AFG2A: variants seen among roughly 807,000 people sequenced by gnomAD.
The protein encoded by AFG2A is ATPase family gene 2 protein homolog A.
chr4:123,033,825 C>T, the AFG2A span, among the ~76,000 whole-genome samples: 1 of 152,134 alleles, frequency 6.6e-6, no homozygotes, highest in Admixed American at 6.5e-5. Flanking sequence ...AAAAGTATAA[C>T]ATTTGTACAT....
At chr4:123,007,568 ATGTGTG>A in the AFG2A span, among the ~76,000 whole-genome samples, 16 of 91,760 alleles carry the variant, frequency 1.7e-4, no homozygotes, top group African/African-American at 6.9e-4. Context: ...GTGTGTGTAT[ATGTGTG>A]TGTGTGTGTG....
chr4:123,180,272 T>C, the AFG2A span, among the ~76,000 whole-genome samples: 1 of 152,140 alleles, frequency 6.6e-6, no homozygotes, highest in African/African-American at 2.4e-5. Flanking sequence ...TATTTAGCTA[T>C]TTTTCAGGCA....
the AFG2A span, among the ~76,000 whole-genome samples, chr4:123,213,853 C>G: frequency 6.6e-6 from 1 of 152,146 alleles, no homozygotes; most frequent in Non-Finnish European, 1.5e-5. Flanking sequence ...ATTTTTATGA[C>G]TAGACTATTT....
the AFG2A span, among the ~76,000 whole-genome samples, chr4:123,288,904 A>C: frequency 6.6e-6 from 1 of 152,146 alleles, no homozygotes; most frequent in Non-Finnish European, 1.5e-5. Context: ...TTCATTTGCT[A>C]ATCAGGCCTC....
chr4:123,208,629 T>C, the AFG2A span, among the ~76,000 whole-genome samples: 1 of 152,174 alleles, frequency 6.6e-6, no homozygotes, highest in Non-Finnish European at 1.5e-5. Context: ...TGTCAAACTT[T>C]CCAAAGCTAA....
chr4:123,108,944 A>G, the AFG2A span, among the ~76,000 whole-genome samples: 2 of 152,094 alleles, frequency 1.3e-5, no homozygotes, highest in Non-Finnish European at 2.9e-5. Flanking sequence ...TATAAGGTTT[A>G]TTCTTAAATT....
chr4:123,309,443 G>T, the AFG2A span, among the ~76,000 whole-genome samples: 6 of 152,102 alleles, frequency 3.9e-5, no homozygotes, highest in South Asian at 4.2e-4. Context: ...AGTACAGAAC[G>T]CTCACAACCT....
the AFG2A span, among the ~76,000 whole-genome samples, chr4:123,177,677 G>A: frequency 2.4e-3 from 372 of 152,240 alleles, 2 homozygotes; most frequent in African/African-American, 8.7e-3. Context: ...CTTTAATTTA[G>A]GAAAGAAGAA....
the AFG2A span, among the ~76,000 whole-genome samples, chr4:122,962,238 A>C: frequency 2.0e-5 from 3 of 152,224 alleles, no homozygotes; most frequent in Admixed American, 6.5e-5. Context: ...GTACCAGCCC[A>C]TGGGCCATTG....
the AFG2A span, among the ~76,000 whole-genome samples, chr4:123,194,241 T>G: frequency 6.6e-6 from 1 of 152,200 alleles, no homozygotes; most frequent in East Asian, 1.9e-4. Context: ...TCTTTTGGTT[T>G]CCCTGGGCCA....
the AFG2A span, among the ~76,000 whole-genome samples, chr4:122,974,278 C>T: frequency 6.6e-6 from 1 of 151,926 alleles, no homozygotes; most frequent in Non-Finnish European, 1.5e-5. Context: ...AAAAAAGTGG[C>T]AGGAAAATTA....
At chr4:123,099,872 C>T in the AFG2A span, among the ~76,000 whole-genome samples, 165 of 151,536 alleles carry the variant, frequency 1.1e-3, no homozygotes, top group Middle Eastern at 0.01. Context: ...AGTTGTATGC[C>T]CTTTTTAGTA....
the AFG2A span, among the ~76,000 whole-genome samples, chr4:122,986,740 G>C: frequency 6.6e-6 from 1 of 152,048 alleles, no homozygotes; most frequent in Non-Finnish European, 1.5e-5. Context: ...CCAATAACTT[G>C]TGGAAAAATT....
chr4:123,244,518 C>A, the AFG2A span, among the ~76,000 whole-genome samples: 1 of 152,172 alleles, frequency 6.6e-6, no homozygotes, highest in Non-Finnish European at 1.5e-5. Context: ...GTTCAAGTTA[C>A]ATTGTATAAA....
the AFG2A span, among the ~76,000 whole-genome samples, chr4:123,015,865 C>CCCA: frequency 9.0e-5 from 2 of 22,242 alleles, no homozygotes; most frequent in Admixed American, 4.7e-4. Context: ...GGGGGCTGAC[C>CCCA]CCCCCACCTC....
the AFG2A span, among the ~76,000 whole-genome samples, chr4:122,974,126 ATTT>A: frequency 2.0e-5 from 3 of 151,826 alleles, no homozygotes; most frequent in African/African-American, 7.2e-5. Flanking sequence ...AATAATAGAG[ATTT>A]TGTTATTTTA....
the AFG2A span, among the ~76,000 whole-genome samples, chr4:123,076,802 A>G: frequency 0.041 from 6,207 of 152,158 alleles, 412 homozygotes; most frequent in African/African-American, 0.14. Flanking sequence ...ACTCAGACCT[A>G]TCTACTGAGT....
the AFG2A span, among the ~76,000 whole-genome samples, chr4:123,177,750 G>A: frequency 2.0e-5 from 3 of 152,166 alleles, no homozygotes; most frequent in Non-Finnish European, 4.4e-5. Context: ...GTAGGTCTCT[G>A]TCTCCCGGGG....
chr4:123,302,056 A>G, the AFG2A span, among the ~76,000 whole-genome samples: 1 of 152,278 alleles, frequency 6.6e-6, no homozygotes. Flanking sequence ...CTGGCAGTAA[A>G]GAAGTCTGAC....
Sources: allele counts gnomAD v4.1 joint callset (sites outside exome capture counted in the v4.1 genomes callset), GRCh38; gene constraint gnomAD v4.1.1; transcripts MANE v1.5; gene names NCBI Gene and HGNC (gene_info 2026-07-23, HGNC 2026-07-21).